VAV3: variants seen among roughly 807,000 people sequenced by gnomAD.
VAV3 encodes vav guanine nucleotide exchange factor 3.
VAV3 carries 94 observed loss-of-function variants against 131.2 expected under a neutral mutation model. The observed-to-expected ratio is 0.72, with a 90% CI of 0.61 to 0.85. The LOEUF (loss-of-function observed/expected upper bound fraction) is 0.85. Ranked by LOEUF, VAV3 falls within the 40% of genes least tolerant of loss-of-function variation. VAV3 has a pLI of 0.00. For missense variants in VAV3, 939 were observed against 1,002.7 expected, an observed-to-expected ratio of 0.94 and a Z score of 0.86; for synonymous variants, 349 against 342.0, an observed-to-expected ratio of 1.02 and a Z score of -0.22.
At chr1:107,815,221 C>T (rs1227460232) in intron 2 of VAV3, among the ~76,000 whole-genome samples, 3 of 152,096 alleles carry the variant, frequency 2.0e-5, no homozygotes, top group Non-Finnish European at 2.9e-5. Context: ...TAAAAATATC[C>T]GACATTTACA....
chr1:107,899,671 C>T (rs1446317449), intron 1 of VAV3, among the ~76,000 whole-genome samples: 3 of 152,186 alleles, frequency 2.0e-5, no homozygotes, highest in Non-Finnish European at 4.4e-5. Context: ...GTTACTTCAT[C>T]TAATCTTCAG....
chr1:107,715,312 C>T (rs886810318), intron 15 of VAV3, among the ~76,000 whole-genome samples: 1 of 152,090 alleles, frequency 6.6e-6, no homozygotes, highest in African/African-American at 2.4e-5. Context: ...AAAAGTATTA[C>T]ATAAATGCTA....
At chr1:107,890,371 T>C (rs1671255224) in intron 1 of VAV3, among the ~76,000 whole-genome samples, 1 of 152,208 alleles carries the variant, frequency 6.6e-6, no homozygotes, top group Admixed American at 6.5e-5. Context: ...GTATATCCAA[T>C]TAAGTATACA....
intron 2 of VAV3, among the ~76,000 whole-genome samples, chr1:107,801,276 ATTGCTT>A (rs1350868572): frequency 5.9e-5 from 9 of 152,086 alleles, no homozygotes; most frequent in Non-Finnish European, 1.3e-4. Flanking sequence ...GTTGCTCAGA[ATTGCTT>A]TAGCTATTCA....
At chr1:107,659,137 G>A (rs1656813173) in intron 19 of VAV3, among the ~76,000 whole-genome samples, 1 of 152,042 alleles carries the variant, frequency 6.6e-6, no homozygotes, top group Admixed American at 6.5e-5. Flanking sequence ...TAAGGTGTAA[G>A]GAAGGGATCC....
chr1:107,927,971 A>G (rs1673243909), intron 1 of VAV3, among the ~76,000 whole-genome samples: 1 of 151,910 alleles, frequency 6.6e-6, no homozygotes, highest in South Asian at 2.1e-4. Flanking sequence ...CTTAAGTGAG[A>G]CCCAGTGCTA....
chr1:107,767,402 T>C (rs1664794974), intron 7 of VAV3, among the ~76,000 whole-genome samples: 2 of 152,190 alleles, frequency 1.3e-5, no homozygotes, highest in African/African-American at 2.4e-5. Flanking sequence ...CTTAGTGGTG[T>C]AGAAAGTAAA....
intron 2 of VAV3, among the ~76,000 whole-genome samples, chr1:107,871,511 A>T (rs1670252601): frequency 6.6e-6 from 1 of 152,014 alleles, no homozygotes; most frequent in South Asian, 2.1e-4. Context: ...TGATTAAAAA[A>T]AAAAGTGTAG....
chr1:107,813,774 C>A (rs1373119468), intron 2 of VAV3, among the ~76,000 whole-genome samples: 1 of 152,148 alleles, frequency 6.6e-6, no homozygotes, highest in Non-Finnish European at 1.5e-5. Context: ...TACACCATTT[C>A]CAGCATCTGG....
intron 12 of VAV3, 117 bp from the exon 13 acceptor site, chr1:107,751,319 T>TAA: frequency 1.2e-6 from 1 of 819,264 alleles, no homozygotes; most frequent in Non-Finnish European, 1.9e-6. Context: ...GTTACCATTT[T>TAA]TTATACTTTT....
intron 9 of VAV3, 27 bp downstream of exon 9, chr1:107,765,049 T>C (rs191472372): frequency 5.9e-6 from 9 of 1,533,794 alleles, no homozygotes; most frequent in Non-Finnish European, 7.2e-6. Context: ...TTTTGCTTTA[T>C]GTCATAAACT....
Position 107,573,329 on chromosome 1 carries a change from AT to A in VAV3, c.*1del. On this transcript the variant is annotated 3_prime_UTR_variant, in exon 27 of 27. Transcript: ENST00000370056. Reference sequence around the variant, plus strand: ...GTGCAGGGTGCAACACGGGATTTGAATTTATTCATCCTCTTCCACATATGTG... The same window carrying A: ...GTGCAGGGTGCAACACGGGATTTGAATTATTCATCCTCTTCCACATATGTG... 6.2e-7 allele frequency: 1 copy of A among 1,614,114 alleles called. No homozygotes were observed. The highest frequency in any genetic ancestry group is 8.5e-7 in the Non-Finnish European group (1 of 1,180,020).
intron 2 of VAV3, among the ~76,000 whole-genome samples, chr1:107,799,536 C>T (rs1666728366): frequency 6.6e-6 from 1 of 151,994 alleles, no homozygotes; most frequent in South Asian, 2.1e-4. Flanking sequence ...TTACTTTCCA[C>T]CAATAATTTT....
chr1:107,703,069 A>T (rs1323345900), intron 17 of VAV3, among the ~76,000 whole-genome samples: 1 of 152,144 alleles, frequency 6.6e-6, no homozygotes, highest in Non-Finnish European at 1.5e-5. Flanking sequence ...AACCATGCCA[A>T]CTATGGGATC....
chr1:107,658,391 T>G (rs1041876108), intron 19 of VAV3, among the ~76,000 whole-genome samples: 7 of 152,248 alleles, frequency 4.6e-5, no homozygotes, highest in Non-Finnish European at 8.8e-5. Flanking sequence ...CTATTGTGAA[T>G]AGTGCTGCAA....
chr1:107,889,676 AAAT>A (rs1671222664), intron 1 of VAV3, among the ~76,000 whole-genome samples: 1 of 152,220 alleles, frequency 6.6e-6, no homozygotes, highest in African/African-American at 2.4e-5. Flanking sequence ...GAGTGGCAAT[AAAT>A]AACTACTGAA....
intron 19 of VAV3, among the ~76,000 whole-genome samples, chr1:107,673,244 C>A (rs1158345154): frequency 6.6e-6 from 1 of 152,182 alleles, no homozygotes; most frequent in Non-Finnish European, 1.5e-5. Context: ...CTGCCCATGT[C>A]ACTCCTCTGG....
At chr1:107,582,866 T>G (rs570849833) in intron 25 of VAV3, among the ~76,000 whole-genome samples, 1 of 152,074 alleles carries the variant, frequency 6.6e-6, no homozygotes, top group South Asian at 2.1e-4. Flanking sequence ...AGTGATGCAA[T>G]AAACATACGT....
Position 107,964,659 on chromosome 1 carries a change from T to C in VAV3, c.204+7A>G, listed in dbSNP as rs1477899601. ...TGGAGGCGGGGCGCCCGTGCCGGCC[T>C]CCTCACCTGGGACATCTGCGGCCTC... On this transcript the variant is annotated splice_region_variant and intron_variant, in intron 1 of 26. Coordinates refer to ENST00000370056, the MANE Select transcript of VAV3 (RefSeq NM_006113.5). The C allele has an allele frequency of 6.2e-7, 1 of 1,609,968 alleles. No homozygotes were observed. The highest frequency in any genetic ancestry group is 1.7e-5 in the Admixed American group (1 of 59,604).
Sources: gnomAD v4.1 joint callset for allele counts (sites outside exome capture counted in the v4.1 genomes callset) on GRCh38, gnomAD v4.1.1 for gene constraint, MANE v1.5 for transcripts, NCBI Gene and HGNC (gene_info 2026-07-23, HGNC 2026-07-21) for gene names.